Variants in SDK1 observed in about 807,000 individuals in gnomAD.
SDK1 encodes protein sidekick-1.
SDK1 carries 157 observed loss-of-function variants against 245.5 expected under a neutral mutation model. The ratio of observed to expected loss-of-function variants is 0.64; its 90% CI spans 0.56 to 0.73. The LOEUF (loss-of-function observed/expected upper bound fraction) is 0.73. SDK1 is among the 30% of genes least tolerant of loss of function. The probability of loss-of-function intolerance (pLI) is 0.00; values close to 1 mark genes in which losing one functional copy is unlikely to be tolerated. For synonymous variants in SDK1, 1,647 were observed against 1,278.5 expected (o/e 1.29, Z -6.15); for missense variants, 3,583 against 3,002.3 (o/e 1.19, Z -4.52).
chr7:3,473,472 A>T (rs1214040940), intron 1 of SDK1, among the ~76,000 whole-genome samples: 1 of 152,192 alleles, frequency 6.6e-6, no homozygotes, highest in Non-Finnish European at 1.5e-5. Context: ...GCATTTACAA[A>T]AGTCTAGGCT....
intron 4 of SDK1, among the ~76,000 whole-genome samples, chr7:3,646,656 T>C (rs1177657672): frequency 6.6e-6 from 1 of 152,228 alleles, no homozygotes; most frequent in Non-Finnish European, 1.5e-5. Context: ...CTGATAATTT[T>C]TTATGTTTTT....
chr7:3,366,210 G>C (rs1312796077), intron 1 of SDK1, among the ~76,000 whole-genome samples: 4 of 152,250 alleles, frequency 2.6e-5, no homozygotes, highest in Admixed American at 6.5e-5. Context: ...TCTACATAGA[G>C]AAGCATTCTC....
intron 28 of SDK1, among the ~76,000 whole-genome samples, chr7:4,138,746 C>G (rs687426): frequency 0.73 from 107,501 of 146,426 alleles, 39,531 homozygotes; most frequent in East Asian, 0.89. Flanking sequence ...GAAACTCTGT[C>G]TCAAAAAAAA....
intron 1 of SDK1, among the ~76,000 whole-genome samples, chr7:3,596,476 G>A (rs1007915280): frequency 6.6e-6 from 1 of 152,178 alleles, no homozygotes; most frequent in African/African-American, 2.4e-5. Flanking sequence ...TGTACAGAAA[G>A]CATGAAAAGA....
At position 3,951,046 on chromosome 7, in the gene SDK1, G is replaced by C; in HGVS notation, c.959+12G>C. ...ATAGCCAGTGCCAGGTACGAGGCGCGTCTCCTGTGAGACTCCTAGTAAATA... is the reference window on the plus strand; with the variant it reads ...ATAGCCAGTGCCAGGTACGAGGCGCCTCTCCTGTGAGACTCCTAGTAAATA... On this transcript the variant is annotated intron_variant, in intron 6 of 44. Transcript: ENST00000404826. The C allele has an allele frequency of 6.4e-7, 1 of 1,570,166 alleles. No individual in the cohort carries two copies. The highest frequency in any genetic ancestry group is 8.8e-7 in the Non-Finnish European group (1 of 1,139,870).
chr7:4,029,377 A>ATTT (rs1787615118), intron 17 of SDK1, among the ~76,000 whole-genome samples: 1 of 151,618 alleles, frequency 6.6e-6, no homozygotes, highest in Non-Finnish European at 1.5e-5. Flanking sequence ...CACCTGGCTA[A>ATTT]TTTTTGTATT....
Position 4,149,414 on chromosome 7 carries a change from A to T in SDK1, c.4576A>T (p.Thr1526Ser). 1 of 1,574,974 alleles carries T rather than the reference A, an allele frequency of 6.3e-7. No homozygotes were observed. Among genetic ancestry groups the T allele is most frequent in the Non-Finnish European group, 8.6e-7 (1 of 1,161,760 alleles). ...VRELPRGEWQTYSSSISHEAT... is the reference protein window; with the variant it reads ...VRELPRGEWQSYSSSISHEAT... ...AGAGCTGCCTCGGGGTGAGTGGCAG[A>T]CCTACTCCTCGTCCATCAGCCATGA... Residue 1526 changes from threonine to serine, a missense_variant, in exon 30 of 45, where the codon ACC becomes TCC. Transcript: ENST00000404826.
intron 1 of SDK1, among the ~76,000 whole-genome samples, chr7:3,571,261 C>T (rs1780105680): frequency 1.3e-5 from 2 of 151,844 alleles, no homozygotes; most frequent in South Asian, 2.1e-4. Flanking sequence ...TGTTGTTGTT[C>T]TTACTGTAGA....
intron 4 of SDK1, among the ~76,000 whole-genome samples, chr7:3,756,579 C>T (rs1779939754): frequency 6.6e-6 from 1 of 151,204 alleles, no homozygotes; most frequent in Non-Finnish European, 1.5e-5. Flanking sequence ...AGAAAATGCT[C>T]AACTTTATAT....
At chr7:4,111,309 C>T (rs924616041) in intron 23 of SDK1, among the ~76,000 whole-genome samples, 1 of 152,106 alleles carries the variant, frequency 6.6e-6, no homozygotes, top group Non-Finnish European at 1.5e-5. Flanking sequence ...TGATTATGAG[C>T]TGTTAGTACT....
At chr7:3,319,878 CTTTTTTT>C (rs57770805) in intron 1 of SDK1, among the ~76,000 whole-genome samples, 1 of 88,144 alleles carries the variant, frequency 1.1e-5, no homozygotes, top group Admixed American at 1.2e-4. Flanking sequence ...CATTCTTAGT[CTTTTTTT>C]TTTTTTTTTT....
In SDK1 at chr7:4,026,206, C is replaced by A. The variant is rs1233723187; in HGVS notation, c.2602+8854C>A. Among the ~76,000 whole-genome samples, 1 of 152,114 alleles carries A rather than the reference C, an allele frequency of 6.6e-6. No homozygotes were observed. Among genetic ancestry groups the A allele is most frequent in the Non-Finnish European group, 1.5e-5 (1 of 68,016 alleles). On this transcript the variant is annotated intron_variant, in intron 17 of 44. Transcript: ENST00000404826. The surrounding 1 kb of genome is among the most constrained non-coding windows in gnomAD (Gnocchi z 4.1). ...GAGTGGAAGAGAAACCACAAACATG[C>A]AATTTTCAGATGCGGAGAATGCAGA...
chr7:3,889,352 G>T (rs943524185), intron 5 of SDK1, among the ~76,000 whole-genome samples: 1 of 152,230 alleles, frequency 6.6e-6, no homozygotes, highest in African/African-American at 2.4e-5. Flanking sequence ...CAGGCCTACA[G>T]TTGGGCTCTC....
intron 28 of SDK1, among the ~76,000 whole-genome samples, chr7:4,143,591 C>T (rs971930323): frequency 1.3e-5 from 2 of 152,200 alleles, no homozygotes; most frequent in African/African-American, 2.4e-5. Context: ...CAGAGGTGCA[C>T]CCCCAAAGGT....
chr7:3,378,148 C>G (rs1298380763), intron 1 of SDK1, among the ~76,000 whole-genome samples: 1 of 152,158 alleles, frequency 6.6e-6, no homozygotes, highest in Non-Finnish European at 1.5e-5. Flanking sequence ...CTGAGCTTCT[C>G]TTGGATCCCT....
chr7:4,213,082 C>T (rs967491124), intron 38 of SDK1, among the ~76,000 whole-genome samples: 2 of 152,126 alleles, frequency 1.3e-5, no homozygotes, highest in African/African-American at 4.8e-5. Flanking sequence ...AGATCGAGAC[C>T]ATCCTGGCCA....
At chr7:3,606,782 C>G (rs188773584) in intron 1 of SDK1, among the ~76,000 whole-genome samples, 1 of 151,934 alleles carries the variant, frequency 6.6e-6, no homozygotes. Context: ...TTTATTTTTT[C>G]TATAGCATTA....
chr7:3,693,475 A>G (rs983409860), intron 4 of SDK1, among the ~76,000 whole-genome samples: 13 of 152,154 alleles, frequency 8.5e-5, no homozygotes, highest in Admixed American at 1.3e-4. Flanking sequence ...CATCTTTACA[A>G]CATTGCCCCA....
intron 4 of SDK1, among the ~76,000 whole-genome samples, chr7:3,677,362 A>C (rs1478518756): frequency 6.6e-6 from 1 of 152,218 alleles, no homozygotes; most frequent in Non-Finnish European, 1.5e-5. Flanking sequence ...GGTAATTTAT[A>C]AAGGAAAGAG....
Sources: allele counts gnomAD v4.1 joint callset (sites outside exome capture counted in the v4.1 genomes callset), GRCh38; gene constraint gnomAD v4.1.1; non-coding constraint Gnocchi (gnomAD v3.1); transcripts MANE v1.5; gene names NCBI Gene and HGNC (gene_info 2026-07-23, HGNC 2026-07-21).